APBB2: variants seen among roughly 807,000 people sequenced by gnomAD.
The protein encoded by APBB2 is amyloid beta precursor protein binding family B member 2.
A neutral mutation model predicts 82.5 loss-of-function variants in APBB2; 38 were observed. The observed-to-expected ratio is 0.46, with a 90% CI of 0.36 to 0.60. The LOEUF (loss-of-function observed/expected upper bound fraction) is 0.60, where lower values mean the gene tolerates loss of function less well. APBB2 is among the 20% of genes least tolerant of loss of function. The pLI, the probability that APBB2 is intolerant of heterozygous loss-of-function variation, is 0.00. For synonymous variants in APBB2, 341 were observed against 368.2 expected, an observed-to-expected ratio of 0.93 and a Z score of 0.85; for missense variants, 772 against 972.3, an observed-to-expected ratio of 0.79 and a Z score of 2.74.
intron 10 of APBB2, among the ~76,000 whole-genome samples, chr4:40,902,280 ATG>A (rs1421301816): frequency 3.3e-5 from 5 of 152,206 alleles, no homozygotes; most frequent in Non-Finnish European, 7.3e-5. Flanking sequence ...CACGTATTGT[ATG>A]TGTGTACGTG....
At chr4:41,209,200 T>G (rs932420996) in intron 1 of APBB2, among the ~76,000 whole-genome samples, 1 of 152,142 alleles carries the variant, frequency 6.6e-6, no homozygotes, top group East Asian at 1.9e-4. Context: ...AAAAATTATT[T>G]CAATGGGATA....
intron 7 of APBB2, among the ~76,000 whole-genome samples, chr4:40,944,282 C>A (rs1378295204): frequency 6.6e-6 from 1 of 152,178 alleles, no homozygotes; most frequent in African/African-American, 2.4e-5. Flanking sequence ...TGCCTCAATT[C>A]TTTGTTTAAA....
chr4:41,129,774 C>T (rs1755446133), intron 2 of APBB2, among the ~76,000 whole-genome samples: 1 of 151,642 alleles, frequency 6.6e-6, no homozygotes, highest in East Asian at 1.9e-4. Flanking sequence ...AAAATCCCTG[C>T]CTTTTGCAAT....
chr4:41,045,104 T>C (rs184648129), intron 4 of APBB2, among the ~76,000 whole-genome samples: 1 of 152,272 alleles, frequency 6.6e-6, no homozygotes, highest in Non-Finnish European at 1.5e-5. Flanking sequence ...GTTGATTTTG[T>C]GCTCCTTCCA....
intron 11 of APBB2, chr4:40,892,744 A>T (rs2154352572): frequency 6.6e-6 from 1 of 152,434 alleles, no homozygotes; most frequent in Non-Finnish European, 1.5e-5. Context: ...TTCAAAATGG[A>T]ATCACTCTGT....
chr4:41,019,055 A>G (rs1810769326), intron 5 of APBB2, among the ~76,000 whole-genome samples: 1 of 152,222 alleles, frequency 6.6e-6, no homozygotes. Flanking sequence ...TGGTGAATTG[A>G]GTAATTAGAA....
At chr4:40,874,237 G>A (rs755152671) in intron 12 of APBB2, among the ~76,000 whole-genome samples, 1 of 152,182 alleles carries the variant, frequency 6.6e-6, no homozygotes, top group African/African-American at 2.4e-5. Flanking sequence ...AGGGAAACAT[G>A]ATAAACTATA....
At position 41,123,306 on chromosome 4, in the gene APBB2, C is replaced by T. The variant is rs1366851956; in HGVS notation, c.-261+19681G>A. Among the ~76,000 whole-genome samples, 9 of 152,004 alleles carry T rather than the reference C, an allele frequency of 5.9e-5. No individual in the cohort carries two copies. The East Asian group carries it at 1.5e-3, about 26-fold the overall frequency. On this transcript the variant is annotated intron_variant, in intron 2 of 17. Coordinates refer to ENST00000508593, the MANE Select transcript of APBB2 (RefSeq NM_004307.2). ...TTGTTGAATAAATGAATGATTCGGT[C>T]GGTCAGAGAGGGAAAAGAAAGAACA... is the stretch of plus-strand genomic sequence containing the variant.
At chr4:41,090,007 C>T (rs1007997099) in intron 3 of APBB2, among the ~76,000 whole-genome samples, 5 of 152,072 alleles carry the variant, frequency 3.3e-5, no homozygotes, top group Non-Finnish European at 7.4e-5. Flanking sequence ...ACTATAATGG[C>T]AATTTAACCC....
chr4:41,119,019 G>A (rs1308064506), intron 2 of APBB2, among the ~76,000 whole-genome samples: 1 of 151,966 alleles, frequency 6.6e-6, no homozygotes. Context: ...CGCACCTGTG[G>A]CCCCAGCTAC....
At chr4:41,146,581 A>C (rs1396736569) in intron 1 of APBB2, among the ~76,000 whole-genome samples, 3 of 152,224 alleles carry the variant, frequency 2.0e-5, no homozygotes, top group Non-Finnish European at 2.9e-5. Context: ...ACAGCCTTGG[A>C]GTAAGAGCAG....
At chr4:41,047,071 G>C (rs1238791613) in intron 4 of APBB2, among the ~76,000 whole-genome samples, 1 of 152,222 alleles carries the variant, frequency 6.6e-6, no homozygotes, top group African/African-American at 2.4e-5. Context: ...AAAATTGTTG[G>C]TTTATAATGT....
intron 1 of APBB2, among the ~76,000 whole-genome samples, chr4:41,206,240 T>C (rs2154079146): frequency 6.6e-6 from 1 of 152,284 alleles, no homozygotes; most frequent in South Asian, 2.1e-4. Flanking sequence ...GGGTTTGCTG[T>C]AGTGGGAATT....
intron 12 of APBB2, chr4:40,857,282 G>GTGCTCCCGCCAGA (rs1390117723): frequency 2.9e-5 from 18 of 613,034 alleles, no homozygotes; most frequent in African/African-American, 1.8e-4. Flanking sequence ...CTCCCGCTAG[G>GTGCTCCCGCCAGA]TGCTCCCGCC....
intron 11 of APBB2, chr4:40,893,014 T>C (rs749775341): frequency 1.4e-4 from 45 of 311,920 alleles, no homozygotes; most frequent in Non-Finnish European, 3.8e-5. Flanking sequence ...CCCCTAAAGC[T>C]CACCCGTGAA....
chr4:40,962,639 C>CT (rs1344640355), intron 6 of APBB2, among the ~76,000 whole-genome samples: 1 of 151,860 alleles, frequency 6.6e-6, no homozygotes, highest in African/African-American at 2.4e-5. Flanking sequence ...GAGTGGTCCC[C>CT]TTTTTTTCCT....
At chr4:41,148,039 A>C (rs1761274183) in intron 1 of APBB2, among the ~76,000 whole-genome samples, 1 of 152,208 alleles carries the variant, frequency 6.6e-6, no homozygotes, top group African/African-American at 2.4e-5. Flanking sequence ...CTGGGAAAGA[A>C]GAATATAAAT....
At chr4:40,846,878 T>C (rs1757831057) in intron 12 of APBB2, among the ~76,000 whole-genome samples, 1 of 152,330 alleles carries the variant, frequency 6.6e-6, no homozygotes, top group South Asian at 2.1e-4. Context: ...AAAGTCCATC[T>C]TTGAAGACTT....
intron 1 of APBB2, among the ~76,000 whole-genome samples, chr4:41,212,540 T>G (rs1283974976): frequency 6.6e-6 from 1 of 152,170 alleles, no homozygotes. Flanking sequence ...TTTATTCAGT[T>G]AAAAGTATCC....
Sources: allele counts gnomAD v4.1 joint callset (sites outside exome capture counted in the v4.1 genomes callset), GRCh38; gene constraint gnomAD v4.1.1; transcripts MANE v1.5; gene names NCBI Gene and HGNC (gene_info 2026-07-23, HGNC 2026-07-21).